Variants in UNC5C observed in about 807,000 individuals in gnomAD.
UNC5C encodes the protein unc-5 netrin receptor C.
UNC5C carries 47 observed loss-of-function variants against 99.8 expected under a neutral mutation model. The observed-to-expected ratio is 0.47, with a 90% CI of 0.37 to 0.60. The LOEUF (loss-of-function observed/expected upper bound fraction) is 0.60, where lower values mean the gene tolerates loss of function less well. UNC5C is among the 20% of genes least tolerant of loss of function. The pLI, the probability that UNC5C is intolerant of heterozygous loss-of-function variation, is 0.00. For missense variants in UNC5C, 1,062 were observed against 1,165.9 expected, an observed-to-expected ratio of 0.91 and a Z score of 1.30; for synonymous variants, 487 against 452.2, an observed-to-expected ratio of 1.08 and a Z score of -0.98.
chr4:95,461,266 C>T (rs1351324363), intron 1 of UNC5C, among the ~76,000 whole-genome samples: 1 of 152,014 alleles, frequency 6.6e-6, no homozygotes, highest in Non-Finnish European at 1.5e-5. Flanking sequence ...TTGATTCTTC[C>T]CATGAAGTTA....
At chr4:95,200,076 G>A (rs1330298992) in intron 12 of UNC5C, among the ~76,000 whole-genome samples, 1 of 152,114 alleles carries the variant, frequency 6.6e-6, no homozygotes, top group Non-Finnish European at 1.5e-5. Context: ...ACAGATGATG[G>A]CAACAGGCTT....
chr4:95,184,054 T>C (rs545353879), intron 13 of UNC5C, among the ~76,000 whole-genome samples: 17 of 152,176 alleles, frequency 1.1e-4, no homozygotes, highest in African/African-American at 4.1e-4. Flanking sequence ...AACAGGGAGA[T>C]TTATAGTATT....
At chr4:95,185,296 G>A in intron 12 of UNC5C, 100 bp from the exon 13 acceptor site, 1 of 1,438,828 alleles carries the variant, frequency 7.0e-7, no homozygotes, top group Non-Finnish European at 9.3e-7. Context: ...CTGAATGGCA[G>A]GCGGAACTTG....
intron 1 of UNC5C, among the ~76,000 whole-genome samples, chr4:95,517,049 G>T (rs1356058288): frequency 1.3e-5 from 2 of 152,064 alleles, no homozygotes; most frequent in African/African-American, 4.8e-5. Flanking sequence ...GTAAACTAGG[G>T]ATAACATCAA....
chr4:95,180,021 G>A (rs1560716565), intron 14 of UNC5C, among the ~76,000 whole-genome samples: 1 of 151,848 alleles, frequency 6.6e-6, no homozygotes, highest in Non-Finnish European at 1.5e-5. Flanking sequence ...CCCACGGATT[G>A]AAGTAGCAAA....
chr4:95,534,816 C>T (rs1385671), intron 1 of UNC5C, among the ~76,000 whole-genome samples: 104,150 of 151,912 alleles, frequency 0.69, 36,088 homozygotes, highest in Middle Eastern at 0.8. Context: ...TGTGTCCCCT[C>T]GCAAATGTAG....
chr4:95,213,615 C>A (rs1417952215), intron 10 of UNC5C, among the ~76,000 whole-genome samples: 1 of 152,210 alleles, frequency 6.6e-6, no homozygotes, highest in Non-Finnish European at 1.5e-5. Flanking sequence ...TCCCTTCAGA[C>A]AATTCACATC....
chr4:95,268,133 T>A (rs914805648), intron 4 of UNC5C, among the ~76,000 whole-genome samples: 1 of 151,350 alleles, frequency 6.6e-6, no homozygotes, highest in Non-Finnish European at 1.5e-5. Flanking sequence ...GCATTTTTTT[T>A]AGTAGAGACG....
intron 3 of UNC5C, among the ~76,000 whole-genome samples, chr4:95,287,785 T>C (rs1373802715): frequency 6.6e-6 from 1 of 152,248 alleles, no homozygotes; most frequent in Admixed American, 6.5e-5. Flanking sequence ...GCCATGTTTT[T>C]ATCCGATATC....
chr4:95,385,342 T>C (rs548530890), intron 1 of UNC5C, among the ~76,000 whole-genome samples: 149 of 152,354 alleles, frequency 9.8e-4, no homozygotes, highest in African/African-American at 3.3e-3. Flanking sequence ...ACTGCTGTAC[T>C]GCTCAATTTT....
At chr4:95,195,791 C>G (rs1473059090) in intron 12 of UNC5C, among the ~76,000 whole-genome samples, 5 of 152,058 alleles carry the variant, frequency 3.3e-5, no homozygotes, top group African/African-American at 1.2e-4. Context: ...TTTCATTCTT[C>G]TCTTCTCTTT....
intron 1 of UNC5C, among the ~76,000 whole-genome samples, chr4:95,476,955 T>A (rs1386651990): frequency 2.6e-5 from 4 of 152,052 alleles, no homozygotes; most frequent in Non-Finnish European, 5.9e-5. Flanking sequence ...CACACCAAAT[T>A]CATTCATTTG....
chr4:95,430,354 C>T (rs1407790616), intron 1 of UNC5C, among the ~76,000 whole-genome samples: 1 of 152,032 alleles, frequency 6.6e-6, no homozygotes, highest in East Asian at 1.9e-4. Context: ...GGAAGGTTAA[C>T]ATGTATTCAA....
chr4:95,501,691 A>G (rs1255786170), intron 1 of UNC5C, among the ~76,000 whole-genome samples: 1 of 152,282 alleles, frequency 6.6e-6, no homozygotes, highest in South Asian at 2.1e-4. Flanking sequence ...AAGTATTATA[A>G]AGGCAAATCA....
At chr4:95,258,959 C>T (rs1210349606) in intron 4 of UNC5C, among the ~76,000 whole-genome samples, 1 of 150,670 alleles carries the variant, frequency 6.6e-6, no homozygotes, top group Non-Finnish European at 1.5e-5. Flanking sequence ...GACGGGGTTT[C>T]ACCTTGTTAG....
chr4:95,348,378 G>C (rs974286931), intron 1 of UNC5C, among the ~76,000 whole-genome samples: 2 of 151,532 alleles, frequency 1.3e-5, no homozygotes, highest in African/African-American at 4.8e-5. Flanking sequence ...ACTAAAAATA[G>C]AACTACCATG....
intron 1 of UNC5C, among the ~76,000 whole-genome samples, chr4:95,497,248 A>G (rs1223498954): frequency 6.6e-6 from 1 of 152,008 alleles, no homozygotes; most frequent in Non-Finnish European, 1.5e-5. Context: ...AGGCATCTCC[A>G]TAGTGTTTTC....
In UNC5C at chr4:95,457,113, A is replaced by G. The variant is rs1379499890; in HGVS notation, c.124+91621T>C. 2.6e-5 allele frequency among the ~76,000 whole-genome samples: 4 copies of G among 152,156 alleles called. No individual in the cohort carries two copies. In the East Asian group the frequency reaches 5.8e-4, roughly 22 times the overall value. Reference sequence around the variant, plus strand: ...CCACAATACCTTTACCTATATGTTTACACACATTAATATTTTATGTCAATA... The same window carrying G: ...CCACAATACCTTTACCTATATGTTTGCACACATTAATATTTTATGTCAATA... On this transcript the variant is annotated intron_variant, in intron 1 of 15. Transcript: ENST00000453304.
At chr4:95,448,238 G>GATAGAGAGAGAC (rs1747175432) in intron 1 of UNC5C, among the ~76,000 whole-genome samples, 1 of 136,940 alleles carries the variant, frequency 7.3e-6, no homozygotes, top group African/African-American at 2.6e-5. Flanking sequence ...GAGAGAGAGA[G>GATAGAGAGAGAC]AGAGAGAGAG....
Sources: allele counts gnomAD v4.1 joint callset (sites outside exome capture counted in the v4.1 genomes callset), GRCh38; gene constraint gnomAD v4.1.1; transcripts MANE v1.5; gene names NCBI Gene and HGNC (gene_info 2026-07-23, HGNC 2026-07-21).